Variants in MRTFA observed in about 807,000 individuals in gnomAD.
MRTFA encodes the protein myocardin related transcription factor A, also known as myocardin-related transcription factor A.
A neutral mutation model predicts 83.5 loss-of-function variants in MRTFA; 20 were observed. The ratio of observed to expected loss-of-function variants is 0.24; its 90% CI spans 0.17 to 0.35. The LOEUF (loss-of-function observed/expected upper bound fraction) is 0.35. Ranked by LOEUF, MRTFA falls within the 10% of genes least tolerant of loss-of-function variation. The probability of loss-of-function intolerance (pLI) is 1.00; values close to 1 mark genes in which losing one functional copy is unlikely to be tolerated. For synonymous variants in MRTFA, 659 were observed against 541.2 expected (o/e 1.22, Z -3.02); for missense variants, 1,200 against 1,224.7 (o/e 0.98, Z 0.30).
rs537323011 is a variant in MRTFA at position 40,467,902 on chromosome 22, T to C, written c.242-4616A>G. On this transcript the variant is annotated intron_variant, in intron 3 of 14. Coordinates refer to ENST00000355630, the MANE Select transcript of MRTFA (RefSeq NM_020831.6). ...TGGGCCTGTGTGAACAACCTATACA[T>C]AGATGAACAGATGTCTTTAGAGCTG... Among the ~76,000 whole-genome samples the C allele has an allele frequency of 2.1e-4, 32 of 152,266 alleles. No homozygotes were observed. In the South Asian group the frequency reaches 6.7e-3, roughly 32 times the overall value.
intron 2 of MRTFA, among the ~76,000 whole-genome samples, chr22:40,580,114 T>A (rs2055924954): frequency 6.6e-6 from 1 of 152,208 alleles, no homozygotes; most frequent in Non-Finnish European, 1.5e-5. Context: ...TTAGGATGAA[T>A]CATTTTTAGG....
At chr22:40,602,102 T>A (rs1287334702) in intron 1 of MRTFA, among the ~76,000 whole-genome samples, 1 of 152,158 alleles carries the variant, frequency 6.6e-6, no homozygotes, top group African/African-American at 2.4e-5. Context: ...ACAAAGCACC[T>A]ACGAAGAAGA....
At chr22:40,441,831 T>TATACAC (rs1555969039) in intron 4 of MRTFA, among the ~76,000 whole-genome samples, 19 of 147,960 alleles carry the variant, frequency 1.3e-4, no homozygotes, top group African/African-American at 4.5e-4. Flanking sequence ...TATATATATA[T>TATACAC]ACACACACAC....
chr22:40,496,670 T>G (rs1217472156), intron 3 of MRTFA, among the ~76,000 whole-genome samples: 1 of 146,000 alleles, frequency 6.8e-6, no homozygotes, highest in Non-Finnish European at 1.5e-5. Flanking sequence ...TACATATACA[T>G]GTTTCTATAT....
At chr22:40,535,974 T>TA (rs1478571669) in intron 3 of MRTFA, among the ~76,000 whole-genome samples, 1 of 151,838 alleles carries the variant, frequency 6.6e-6, no homozygotes, top group African/African-American at 2.4e-5. Flanking sequence ...CACTTTGAGG[T>TA]AAAAAGACCT....
intron 3 of MRTFA, among the ~76,000 whole-genome samples, chr22:40,499,991 G>A (rs983344148): frequency 2.4e-4 from 25 of 105,156 alleles, no homozygotes; most frequent in Admixed American, 6.5e-4. Context: ...GTACGATCTC[G>A]GCTCACCGGC....
At chr22:40,444,372 G>A (rs2053336436) in intron 4 of MRTFA, among the ~76,000 whole-genome samples, 1 of 152,134 alleles carries the variant, frequency 6.6e-6, no homozygotes, top group Non-Finnish European at 1.5e-5. Context: ...GAAAAAGAGG[G>A]TGGGGCTGAA....
At chr22:40,621,222 G>A (rs113591465) in intron 1 of MRTFA, among the ~76,000 whole-genome samples, 41 of 151,532 alleles carry the variant, frequency 2.7e-4, no homozygotes, top group African/African-American at 9.4e-4. Context: ...GAAAGATGTT[G>A]GACTACCAAA....
intron 2 of MRTFA, among the ~76,000 whole-genome samples, chr22:40,567,178 A>C (rs1251912621): frequency 6.6e-6 from 1 of 152,194 alleles, no homozygotes; most frequent in Admixed American, 6.5e-5. Context: ...ATTTGCCTTA[A>C]ACTCCTCCCC....
chr22:40,579,910 T>A lies in MRTFA; in HGVS notation c.-22+14764A>T, dbSNP rs1408556317. 1.3e-5 allele frequency among the ~76,000 whole-genome samples: 2 copies of A among 151,312 alleles called. 1 individual carries two copies. Among genetic ancestry groups the A allele is most frequent in the South Asian group, 4.2e-4 (2 of 4,804 alleles). On this transcript the variant is annotated intron_variant, in intron 2 of 14. Coordinates refer to ENST00000355630, the MANE Select transcript of MRTFA (RefSeq NM_020831.6). Reference sequence around the variant, plus strand: ...CTGTTATAGAAGGAAACCAAAGTCCTAACTATAAAACATAAAAACCCATGC... The same window carrying A: ...CTGTTATAGAAGGAAACCAAAGTCCAAACTATAAAACATAAAAACCCATGC...
At chr22:40,572,469 C>T (rs1012468626) in intron 2 of MRTFA, among the ~76,000 whole-genome samples, 1 of 149,568 alleles carries the variant, frequency 6.7e-6, no homozygotes, top group Non-Finnish European at 1.5e-5. Flanking sequence ...CTGGGCAACA[C>T]AATGAAACCC....
At chr22:40,439,504 C>CAAAAAAA (rs756033541) in intron 4 of MRTFA, among the ~76,000 whole-genome samples, 1 of 32,146 alleles carries the variant, frequency 3.1e-5, no homozygotes, top group Non-Finnish European at 6.3e-5. Context: ...GACTCTGTCT[C>CAAAAAAA]AAAAAAAAAA....
At chr22:40,462,082 A>C (rs2053724770) in intron 4 of MRTFA, among the ~76,000 whole-genome samples, 1 of 152,228 alleles carries the variant, frequency 6.6e-6, no homozygotes, top group South Asian at 2.1e-4. Context: ...CTCTTCAGTG[A>C]GGCCTTTCTT....
intron 11 of MRTFA, among the ~76,000 whole-genome samples, chr22:40,419,671 G>A (rs1196630636): frequency 6.6e-6 from 1 of 152,196 alleles, no homozygotes; most frequent in Non-Finnish European, 1.5e-5. Flanking sequence ...CCCCCAGCAT[G>A]GTGCATGGGC....
chr22:40,620,124 A>ATTT (rs35417531), intron 1 of MRTFA, among the ~76,000 whole-genome samples: 5 of 131,492 alleles, frequency 3.8e-5, no homozygotes, highest in African/African-American at 1.4e-4. Context: ...CACCCAGCTA[A>ATTT]TTTTTTTTTT....
At chr22:40,438,864 G>A (rs1052594332) in intron 4 of MRTFA, among the ~76,000 whole-genome samples, 2 of 152,124 alleles carry the variant, frequency 1.3e-5, no homozygotes, top group South Asian at 2.1e-4. Context: ...CAGGAATAAG[G>A]AAGGATTACT....
chr22:40,533,441 A>G (rs2055116321), intron 3 of MRTFA: 2 of 418,850 alleles, frequency 4.8e-6, no homozygotes, highest in Non-Finnish European at 8.1e-6. Context: ...AAAAATTAAT[A>G]AAAAACTGAA....
rs1159861316 is a variant in MRTFA, at chr22:40,465,195, TA to T, written c.242-1910del. The stretch of plus-strand genomic sequence containing the variant: ...GAAAAGTATAATATTTTGCCTTGTG[TA>T]ATAGTAGCCCTTGAACATCTTACTT... On this transcript the variant is annotated intron_variant, in intron 3 of 14. Transcript: ENST00000355630. Among the ~76,000 whole-genome samples, 5 of 152,354 alleles carry T rather than the reference TA, an allele frequency of 3.3e-5. No homozygotes were observed. The South Asian group carries it at 1.0e-3, about 32-fold the overall frequency.
intron 3 of MRTFA, among the ~76,000 whole-genome samples, chr22:40,482,752 CCCAA>C (rs1374564504): frequency 6.6e-6 from 1 of 152,144 alleles, no homozygotes; most frequent in Non-Finnish European, 1.5e-5. Context: ...ACATTCTGCA[CCCAA>C]CTTTGTTGTA....
Sources: allele counts gnomAD v4.1 joint callset (sites outside exome capture counted in the v4.1 genomes callset), GRCh38; gene constraint gnomAD v4.1.1; transcripts MANE v1.5; gene names NCBI Gene and HGNC (gene_info 2026-07-23, HGNC 2026-07-21).